DCC: variants seen among roughly 807,000 people sequenced by gnomAD.
DCC encodes netrin receptor DCC.
In DCC, 58 loss-of-function variants were observed where a neutral mutation model predicts 172.5. The observed-to-expected ratio is 0.34, with a 90% confidence interval of 0.27 to 0.42. The LOEUF is 0.42. Ranked by LOEUF, DCC falls within the 10% of genes least tolerant of loss-of-function variation. DCC has a pLI of 1.00. For synonymous variants in DCC, 709 were observed against 644.5 expected (o/e 1.10, Z -1.52); for missense variants, 1,740 against 1,791.0 (o/e 0.97, Z 0.51).
chr18:52,675,617 C>T (rs368377738), intron 1 of DCC, among the ~76,000 whole-genome samples: 2 of 152,274 alleles, frequency 1.3e-5, no homozygotes, highest in East Asian at 3.9e-4. Flanking sequence ...ATATTTGGCT[C>T]AGGATAAATC....
intron 23 of DCC, among the ~76,000 whole-genome samples, chr18:53,450,931 G>A (rs991878404): frequency 6.6e-5 from 10 of 152,120 alleles, no homozygotes; most frequent in Admixed American, 2.0e-4. Context: ...TCAAGTGAGC[G>A]CAGGTGTTCC....
intron 1 of DCC, among the ~76,000 whole-genome samples, chr18:52,500,149 G>T (rs914214098): frequency 6.6e-6 from 1 of 151,532 alleles, no homozygotes; most frequent in East Asian, 1.9e-4. Context: ...GAGAAATGCA[G>T]GTGACAGGAC....
chr18:52,436,610 T>C (rs1158185060), intron 1 of DCC, among the ~76,000 whole-genome samples: 1 of 152,180 alleles, frequency 6.6e-6, no homozygotes, highest in Non-Finnish European at 1.5e-5. Context: ...TTTTACTGTA[T>C]TAAATTCTCA....
Position 52,948,302 on chromosome 18 carries a change from C to A in DCC, c.985+22932C>A, listed in dbSNP as rs1382046042. ...ATAAGTTTCTTATCCATAATTCTATCACAGTGTTGATGTGTGTGTGTGTGT... is the reference window on the plus strand; with the variant it reads ...ATAAGTTTCTTATCCATAATTCTATAACAGTGTTGATGTGTGTGTGTGTGT... On this transcript the variant is annotated intron_variant, in intron 5 of 28. Transcript: ENST00000442544. Among the ~76,000 whole-genome samples, 3 of 131,238 alleles carry A rather than the reference C, an allele frequency of 2.3e-5. No homozygotes were observed. The Admixed American group carries it at 2.5e-4, about 11-fold the overall frequency. The allele number at this position is 131,238 out of a possible 152,430, so 86.1% of individuals were successfully genotyped here. A position where few individuals can be genotyped will look rare whatever the true frequency, so the allele number is the denominator to read the frequency against.
At chr18:53,188,037 G>A (rs552769046) in intron 9 of DCC, among the ~76,000 whole-genome samples, 4 of 152,282 alleles carry the variant, frequency 2.6e-5, no homozygotes, top group Admixed American at 6.5e-5. Flanking sequence ...CTAGTAACTT[G>A]TACATTGTCC....
chr18:52,698,231 T>C (rs1330144360), intron 1 of DCC, among the ~76,000 whole-genome samples: 2 of 152,206 alleles, frequency 1.3e-5, no homozygotes, highest in Non-Finnish European at 2.9e-5. Context: ...TTTTGAATAA[T>C]CTGAAATACT....
chr18:52,893,898 A>G lies in DCC; in HGVS notation c.413-12146A>G, dbSNP rs954268432. Among the ~76,000 whole-genome samples, 26 of 125,728 alleles carry G rather than the reference A, an allele frequency of 2.1e-4. 1 individual carries two copies. Among genetic ancestry groups the G allele is most frequent in the Non-Finnish European group, 5.6e-5 (3 of 53,476 alleles). 82.5% of individuals were successfully genotyped at this position (125,728 alleles called of 152,430 possible). On this transcript the variant is annotated intron_variant, in intron 2 of 28. Transcript: ENST00000442544. Reference sequence around the variant, plus strand: ...TGTAGTCAAAACACACAAGGCTTATAATACAATTTAAAAAAAACAGTATCA... The same window carrying G: ...TGTAGTCAAAACACACAAGGCTTATGATACAATTTAAAAAAAACAGTATCA...
At chr18:53,355,380 A>T (rs1394148346) in intron 15 of DCC, among the ~76,000 whole-genome samples, 3 of 151,894 alleles carry the variant, frequency 2.0e-5, no homozygotes, top group African/African-American at 2.4e-5. Context: ...GACCATTTTC[A>T]GGATATTGAT....
chr18:53,159,008 A>AAAAAAAAAAAAAAAAAAAAAAAAAAAG lies in DCC; in HGVS notation c.1418+1496_1418+1497insAAAAAAAAAAAAAAAAAAAAAAAAAAG, dbSNP rs34406723. On this transcript the variant is annotated intron_variant, in intron 8 of 28. Transcript: ENST00000442544. ...CATCTCAAAAAAAAAAAAAAAAAGAAGAAGATGTAGGCATACCCATATTGC... is the reference window on the plus strand; with the variant it reads ...CATCTCAAAAAAAAAAAAAAAAAGAAAAAAAAAAAAAAAAAAAAAAAAAAAAGGAAGATGTAGGCATACCCATATTGC... 2.1e-4 allele frequency among the ~76,000 whole-genome samples: 25 copies of AAAAAAAAAAAAAAAAAAAAAAAAAAAG among 119,170 alleles called. 3 individuals are homozygous for AAAAAAAAAAAAAAAAAAAAAAAAAAAG. The highest frequency in any genetic ancestry group is 8.2e-4 in the African/African-American group (25 of 30,658). 78.2% of individuals were successfully genotyped at this position (119,170 alleles called of 152,430 possible).
chr18:52,790,831 A>T (rs977891949), intron 2 of DCC, among the ~76,000 whole-genome samples: 1 of 152,182 alleles, frequency 6.6e-6, no homozygotes, highest in Non-Finnish European at 1.5e-5. Flanking sequence ...GGAGCAGCAT[A>T]ACATCCCTCC....
chr18:53,207,565 G>C, intron 10 of DCC, 114 bp from the exon 11 acceptor site: 1 of 1,005,074 alleles, frequency 9.9e-7, no homozygotes, highest in Non-Finnish European at 1.6e-6. Flanking sequence ...TCATTAGAAG[G>C]CTGGAGTGTA....
At chr18:53,261,607 A>G (rs1598959683) in intron 12 of DCC, among the ~76,000 whole-genome samples, 1 of 152,092 alleles carries the variant, frequency 6.6e-6, no homozygotes, top group Non-Finnish European at 1.5e-5. Flanking sequence ...GAGAGTGGCT[A>G]TCACGCCATT....
intron 1 of DCC, among the ~76,000 whole-genome samples, chr18:52,610,164 A>AT (rs2034227376): frequency 4.5e-5 from 1 of 22,358 alleles, no homozygotes; most frequent in African/African-American, 2.5e-4. Context: ...AAAAAAAAAA[A>AT]AAAAAAAAAA....
intron 8 of DCC, among the ~76,000 whole-genome samples, chr18:53,158,729 C>A (rs775036548): frequency 6.6e-6 from 1 of 151,946 alleles, no homozygotes; most frequent in Non-Finnish European, 1.5e-5. Flanking sequence ...GGTGACTCCA[C>A]GCCTGTAATC....
chr18:53,003,822 T>A (rs888451547), intron 5 of DCC, among the ~76,000 whole-genome samples: 1 of 152,172 alleles, frequency 6.6e-6, no homozygotes, highest in Non-Finnish European at 1.5e-5. Flanking sequence ...ATTCACCTTC[T>A]GCTAAGGCAT....
At chr18:52,592,483 T>A (rs904297418) in intron 1 of DCC, among the ~76,000 whole-genome samples, 3 of 152,204 alleles carry the variant, frequency 2.0e-5, no homozygotes, top group African/African-American at 7.2e-5. Context: ...GAATTCACTT[T>A]ACAAAGGCTC....
At chr18:52,357,954 A>ATAAT (rs532581699) in intron 1 of DCC, among the ~76,000 whole-genome samples, 4 of 147,834 alleles carry the variant, frequency 2.7e-5, no homozygotes, top group Non-Finnish European at 5.9e-5. Flanking sequence ...AAAAAAAAAA[A>ATAAT]AATCTGACAA....
chr18:52,429,532 G>A (rs772470596), intron 1 of DCC, among the ~76,000 whole-genome samples: 1 of 152,056 alleles, frequency 6.6e-6, no homozygotes, highest in Non-Finnish European at 1.5e-5. Context: ...CGTTTTCTAT[G>A]TAATCAGATG....
chr18:52,412,105 G>A (rs569631712), intron 1 of DCC, among the ~76,000 whole-genome samples: 1 of 152,118 alleles, frequency 6.6e-6, no homozygotes, highest in South Asian at 2.1e-4. Context: ...ATACTGCAAT[G>A]TATAATGACA....
Sources: allele counts gnomAD v4.1 joint callset (sites outside exome capture counted in the v4.1 genomes callset), GRCh38; gene constraint gnomAD v4.1.1; transcripts MANE v1.5; gene names NCBI Gene and HGNC (gene_info 2026-07-23, HGNC 2026-07-21).